PBX1: variants seen among roughly 807,000 people sequenced by gnomAD.
The protein encoded by PBX1 is pre-B-cell leukemia transcription factor 1.
PBX1 carries 6 observed loss-of-function variants against 53.4 expected under a neutral mutation model. The observed-to-expected ratio is 0.11, with a 90% confidence interval of 0.06 to 0.22. PBX1 has a LOEUF of 0.22. PBX1 is among the 10% of genes least tolerant of loss of function. The probability of loss-of-function intolerance (pLI) is 1.00; values close to 1 mark genes in which losing one functional copy is unlikely to be tolerated. For missense variants in PBX1, 251 were observed against 551.4 expected (o/e 0.46, Z 5.46); for synonymous variants, 204 against 212.3 (o/e 0.96, Z 0.34).
intron 2 of PBX1, among the ~76,000 whole-genome samples, chr1:164,701,664 T>C (rs1302359807): frequency 6.6e-6 from 1 of 152,254 alleles, no homozygotes; most frequent in Non-Finnish European, 1.5e-5. Context: ...TTAAAGGTGA[T>C]AACTCACTAC....
chr1:164,614,964 A>G (rs1262213532), intron 2 of PBX1, among the ~76,000 whole-genome samples: 14 of 152,214 alleles, frequency 9.2e-5, no homozygotes. Flanking sequence ...TAATAGAGTC[A>G]GGGTTTCACC....
intron 1 of PBX1, chr1:164,560,358 A>G (rs147904855): frequency 2.4e-4 from 97 of 397,522 alleles, no homozygotes; most frequent in African/African-American, 1.8e-3. Flanking sequence ...AAAAAGTATC[A>G]GAGAAAGCAG....
chr1:164,750,168 G>A (rs909209229), intron 2 of PBX1, among the ~76,000 whole-genome samples: 2 of 151,490 alleles, frequency 1.3e-5, no homozygotes, highest in African/African-American at 4.9e-5. Context: ...GTGTGTGTGT[G>A]TGTGTGTGTG....
At chr1:164,839,078 G>A (rs954579599) in intron 8 of PBX1, among the ~76,000 whole-genome samples, 12 of 152,142 alleles carry the variant, frequency 7.9e-5, no homozygotes, top group African/African-American at 2.9e-4. Context: ...CCTTCTTTGA[G>A]TCCCTTGGAG....
At chr1:164,642,360 T>TA (rs1413273640) in intron 2 of PBX1, among the ~76,000 whole-genome samples, 1 of 152,206 alleles carries the variant, frequency 6.6e-6, no homozygotes, top group Non-Finnish European at 1.5e-5. Context: ...TGACCCCAGA[T>TA]ATTTGACCAC....
intron 8 of PBX1, among the ~76,000 whole-genome samples, chr1:164,834,082 A>T (rs1670909282): frequency 9.8e-6 from 1 of 102,504 alleles, no homozygotes; most frequent in Non-Finnish European, 2.1e-5. Context: ...TTCAGAGCTC[A>T]GATATCTGTG....
chr1:164,577,181 G>C (rs992809646), intron 2 of PBX1, among the ~76,000 whole-genome samples: 4 of 152,178 alleles, frequency 2.6e-5, no homozygotes, highest in African/African-American at 9.7e-5. Context: ...CTGTCTCTCA[G>C]CTCTTACAGG....
At chr1:164,787,688 G>C (rs1399165514) in intron 2 of PBX1, 1 of 152,242 alleles carries the variant, frequency 6.6e-6, no homozygotes, top group African/African-American at 2.4e-5. Flanking sequence ...CCACAATGCT[G>C]TGACAGTCCC....
At chr1:164,868,245 C>T (rs1046219157) in intron 2 of PBX1, among the ~76,000 whole-genome samples, 1 of 152,130 alleles carries the variant, frequency 6.6e-6, no homozygotes, top group African/African-American at 2.4e-5. Flanking sequence ...ACAGTGTCCG[C>T]CCCGAGATAT....
At chr1:164,805,836 C>T (rs1475716797) in intron 4 of PBX1, among the ~76,000 whole-genome samples, 3 of 152,132 alleles carry the variant, frequency 2.0e-5, no homozygotes, top group Admixed American at 2.0e-4. Context: ...AGAAACTCAG[C>T]ATGATTTAGG....
intron 2 of PBX1, among the ~76,000 whole-genome samples, chr1:164,587,226 G>A (rs896565295): frequency 2.0e-5 from 3 of 152,178 alleles, no homozygotes; most frequent in African/African-American, 7.2e-5. Context: ...GTGTATGGGT[G>A]TGATTTTGGT....
intron 2 of PBX1, among the ~76,000 whole-genome samples, chr1:164,757,742 C>T (rs540170905): frequency 9.9e-5 from 15 of 152,134 alleles, no homozygotes; most frequent in African/African-American, 2.9e-4. Flanking sequence ...CATGCTGTTA[C>T]TATTTCGTCA....
chr1:164,675,011 A>G (rs908286357), intron 2 of PBX1, among the ~76,000 whole-genome samples: 17 of 152,272 alleles, frequency 1.1e-4, no homozygotes, highest in South Asian at 8.3e-4. Context: ...CAACTCAAAG[A>G]GATTGGCAAG....
intron 2 of PBX1, among the ~76,000 whole-genome samples, chr1:164,585,961 A>G (rs917042015): frequency 1.3e-5 from 2 of 152,200 alleles, no homozygotes; most frequent in Admixed American, 1.3e-4. Context: ...ACATTCATTC[A>G]TTCATTCATT....
At chr1:164,711,816 C>T (rs1663799205) in intron 2 of PBX1, among the ~76,000 whole-genome samples, 1 of 152,208 alleles carries the variant, frequency 6.6e-6, no homozygotes. Context: ...ATTCAGCCAT[C>T]GTGTGCTGAA....
intron 2 of PBX1, among the ~76,000 whole-genome samples, chr1:164,691,576 G>C (rs1662490850): frequency 6.6e-6 from 1 of 152,142 alleles, no homozygotes; most frequent in Non-Finnish European, 1.5e-5. Flanking sequence ...ACACACCTGA[G>C]GCTGAAGCGT....
At chr1:164,856,915 T>A (rs887213825) in intron 2 of PBX1, among the ~76,000 whole-genome samples, 23 of 152,116 alleles carry the variant, frequency 1.5e-4, no homozygotes, top group African/African-American at 5.3e-4. Context: ...CATTGGTTGC[T>A]CACTAGATCC....
At chr1:164,626,154 A>G in intron 2 of PBX1, 1 of 957,658 alleles carries the variant, frequency 1.0e-6, no homozygotes, top group Non-Finnish European at 1.3e-6. Context: ...TGCATATACC[A>G]TGCCTTCCCC....
chr1:164,752,522 T>G (rs1666289154), intron 2 of PBX1, among the ~76,000 whole-genome samples: 1 of 152,024 alleles, frequency 6.6e-6, no homozygotes, highest in Non-Finnish European at 1.5e-5. Context: ...AAATATAAAT[T>G]TAAAACCTCA....
Sources: allele counts gnomAD v4.1 joint callset (sites outside exome capture counted in the v4.1 genomes callset), GRCh38; gene constraint gnomAD v4.1.1; transcripts MANE v1.5; gene names NCBI Gene and HGNC (gene_info 2026-07-23, HGNC 2026-07-21).